Variants in GABRB3 observed in about 807,000 individuals in gnomAD.
GABRB3 encodes the protein gamma-aminobutyric acid type A receptor subunit beta3.
GABRB3 carries 14 observed loss-of-function variants against 52.1 expected under a neutral mutation model. The observed-to-expected ratio is 0.27, with a 90% CI of 0.18 to 0.42. GABRB3 has a LOEUF of 0.42. Among genes scored for constraint, GABRB3 ranks in the 10% least tolerant of loss-of-function variants. The pLI is 1.00. For missense variants in GABRB3, 307 were observed against 609.1 expected, an observed-to-expected ratio of 0.50 and a Z score of 5.22; for synonymous variants, 260 against 232.3, an observed-to-expected ratio of 1.12 and a Z score of -1.08.
rs2140199207 is a variant in GABRB3, at chr15:26,772,499, C to T, written c.173-30G>A. ...GGGAAGCACAGGACACGGCGATCAG[C>T]CCAGCTCCGGCGCGGGGCGCGGGCG... On this transcript the variant is annotated intron_variant, in intron 2 of 8. Coordinates refer to ENST00000311550, the MANE Select transcript of GABRB3 (RefSeq NM_000814.6). 1.9e-6 allele frequency: 3 copies of T among 1,604,714 alleles called. No individual in the cohort carries two copies. The Admixed American group carries it at 5.1e-5, about 27-fold the overall frequency.
rs186788241 is a variant in GABRB3, at chr15:26,674,128, G to A, written c.241-52594C>T. 4.4e-3 allele frequency among the ~76,000 whole-genome samples: 671 copies of A among 151,184 alleles called. 7 individuals carry two copies. The highest frequency in any genetic ancestry group is 0.014 in the African/African-American group (595 of 41,148). On this transcript the variant is annotated intron_variant, in intron 3 of 8. Coordinates refer to ENST00000311550, the MANE Select transcript of GABRB3 (RefSeq NM_000814.6). ...AAACCATGGGCAGAGCTAGCAGGGC[G>A]CAGTGGCTCACACCTGTAATCCCAG...
intron 3 of GABRB3, among the ~76,000 whole-genome samples, chr15:26,628,275 G>C (rs191837066): frequency 2.6e-4 from 40 of 152,342 alleles, no homozygotes; most frequent in Admixed American, 7.8e-4. Flanking sequence ...ATCTCTGAGG[G>C]TGTGCCTGTA....
At position 26,621,217 on chromosome 15, in the gene GABRB3, G is replaced by A. The variant is rs1451525254; in HGVS notation, c.461+97C>T. On this transcript the variant is annotated intron_variant, in intron 4 of 8. Transcript: ENST00000311550. The surrounding 1 kb of genome is among the most constrained non-coding windows in gnomAD (Gnocchi z 4.1). The stretch of plus-strand genomic sequence containing the variant: ...TTCATAGATGCTTCCTAATTTATCT[G>A]AGGTCATTGCCTCACTTACAATAAT... 12 of 973,302 alleles carry A rather than the reference G, an allele frequency of 1.2e-5. No homozygotes were observed. The African/African-American group carries it at 1.8e-4, about 14-fold the overall frequency. The allele number at this position is 973,302 out of a possible 1,614,324, so 60.3% of individuals were successfully genotyped here.
At chr15:26,618,084 T>C (rs1057164474) in intron 4 of GABRB3, among the ~76,000 whole-genome samples, 1 of 152,122 alleles carries the variant, frequency 6.6e-6, no homozygotes, top group Non-Finnish European at 1.5e-5. Flanking sequence ...AAAATGGCCA[T>C]ACTGCCCAAG....
chr15:26,664,690 C>CT lies in GABRB3; in HGVS notation c.241-43157dup, dbSNP rs1458045917. ...CCATCACCTCAAGCCCTTATCATTTCTTTTCTTTTCTTTGTTTTTTTTTTT... is the reference window on the plus strand; with the variant it reads ...CCATCACCTCAAGCCCTTATCATTTCTTTTTCTTTTCTTTGTTTTTTTTTTT... On this transcript the variant is annotated intron_variant, in intron 3 of 8. Transcript: ENST00000311550. Among the ~76,000 whole-genome samples, 8 of 114,978 alleles carry CT rather than the reference C, an allele frequency of 7.0e-5. No homozygotes were observed. The South Asian group carries it at 1.1e-3, about 16-fold the overall frequency. The allele number at this position is 114,978 out of a possible 152,430, so 75.4% of individuals were successfully genotyped here.
intron 3 of GABRB3, among the ~76,000 whole-genome samples, chr15:26,702,677 A>T (rs914843695): frequency 6.6e-6 from 1 of 152,240 alleles, no homozygotes; most frequent in Non-Finnish European, 1.5e-5. Context: ...ATGAACACTT[A>T]CCATATGATC....
chr15:26,568,105 G>A (rs916825090), intron 6 of GABRB3, among the ~76,000 whole-genome samples: 7 of 152,298 alleles, frequency 4.6e-5, no homozygotes, highest in South Asian at 2.1e-4. Flanking sequence ...AGGCTTTACT[G>A]GGCAAGAAAG....
chr15:26,664,582 T>C (rs1251648260), intron 3 of GABRB3, among the ~76,000 whole-genome samples: 1 of 152,158 alleles, frequency 6.6e-6, no homozygotes, highest in Non-Finnish European at 1.5e-5. Flanking sequence ...GGGTACCTCA[T>C]AGTTGCATAT....
At chr15:26,642,975 A>G (rs374118457) in intron 3 of GABRB3, among the ~76,000 whole-genome samples, 2 of 151,666 alleles carry the variant, frequency 1.3e-5, no homozygotes, top group African/African-American at 4.8e-5. Context: ...CTCTCCTCAC[A>G]CGGCCCTCCT....
intron 7 of GABRB3, among the ~76,000 whole-genome samples, chr15:26,567,054 T>C (rs536091341): frequency 1.3e-5 from 2 of 152,368 alleles, no homozygotes; most frequent in East Asian, 3.9e-4. Context: ...TATTGGAACC[T>C]ATAATACATA....
intron 4 of GABRB3, among the ~76,000 whole-genome samples, chr15:26,606,805 T>TATAGATAGATAGATAGATAGATAG (rs59223052): frequency 8.5e-6 from 1 of 117,950 alleles, no homozygotes; most frequent in African/African-American, 2.8e-5. Flanking sequence ...TAGATATATC[T>TATAGATAGATAGATAGATAGATAG]ATAGATAGAT....
chr15:26,741,511 T>G (rs1890206977), intron 3 of GABRB3, among the ~76,000 whole-genome samples: 1 of 152,188 alleles, frequency 6.6e-6, no homozygotes, highest in African/African-American at 2.4e-5. Context: ...TCACTTCCGG[T>G]TTATATACAT....
chr15:26,565,926 TA>T (rs1441133281), intron 7 of GABRB3, among the ~76,000 whole-genome samples: 16 of 152,186 alleles, frequency 1.1e-4, no homozygotes, highest in Non-Finnish European at 1.9e-4. Flanking sequence ...TTATTTTTCT[TA>T]AAAGGGGGTG....
At chr15:26,660,791 G>A (rs190789369) in intron 3 of GABRB3, among the ~76,000 whole-genome samples, 2 of 152,290 alleles carry the variant, frequency 1.3e-5, no homozygotes, top group African/African-American at 4.8e-5. Context: ...GATGCCAAGT[G>A]CCCACATCTG....
At chr15:26,764,233 T>G (rs1158565637) in intron 3 of GABRB3, among the ~76,000 whole-genome samples, 3 of 117,606 alleles carry the variant, frequency 2.6e-5, no homozygotes, top group South Asian at 2.8e-4. Context: ...TATATATATA[T>G]ATAGTGTCAT....
intron 3 of GABRB3, among the ~76,000 whole-genome samples, chr15:26,694,715 G>A (rs959467123): frequency 1.3e-5 from 2 of 152,196 alleles, no homozygotes; most frequent in African/African-American, 4.8e-5. Flanking sequence ...GTCAGCATCA[G>A]AGTCAGATTT....
At chr15:26,641,201 C>G (rs369316963) in intron 3 of GABRB3, among the ~76,000 whole-genome samples, 3 of 152,222 alleles carry the variant, frequency 2.0e-5, no homozygotes, top group Admixed American at 6.5e-5. Context: ...ATCAAATATA[C>G]CTTTATGAAT....
intron 3 of GABRB3, among the ~76,000 whole-genome samples, chr15:26,635,112 T>A (rs1893022387): frequency 6.6e-6 from 1 of 150,422 alleles, no homozygotes; most frequent in African/African-American, 2.4e-5. Context: ...TATCTTTAAT[T>A]AAGAGAATTC....
chr15:26,577,128 A>G (rs2140722779), intron 6 of GABRB3, among the ~76,000 whole-genome samples: 1 of 152,268 alleles, frequency 6.6e-6, no homozygotes. Context: ...AGAAGAGAGA[A>G]TGGGGCAGAG....
Sources: gnomAD v4.1 joint callset for allele counts (sites outside exome capture counted in the v4.1 genomes callset) on GRCh38, gnomAD v4.1.1 for gene constraint, Gnocchi (gnomAD v3.1) non-coding constraint, MANE v1.5 for transcripts, NCBI Gene and HGNC (gene_info 2026-07-23, HGNC 2026-07-21) for gene names.